CDCA7L: variants seen among roughly 807,000 people sequenced by gnomAD.
The protein encoded by CDCA7L is cell division cycle associated 7 like, also known as cell division cycle-associated 7-like protein.
CDCA7L carries 44 observed loss-of-function variants against 57.4 expected under a neutral mutation model. That is an observed-to-expected ratio of 0.77 (90% CI 0.60 to 0.98). CDCA7L has a LOEUF of 0.98. CDCA7L is among the 50% of genes least tolerant of loss of function. CDCA7L has a pLI of 0.00. For synonymous variants in CDCA7L, 236 were observed against 202.8 expected (o/e 1.16, Z -1.39); for missense variants, 644 against 580.6 (o/e 1.11, Z -1.12).
rs535457484 is a variant in CDCA7L, at chr7:21,902,967, GACTT to G, written c.1334+7_1334+10del. ...TCAAGCTGTTTTGTAAGCTGCTAGA[GACTT>G]ACTTACCTCTCCAGATATTCCTTAA... On this transcript the variant is annotated splice_region_variant and intron_variant, in intron 9 of 9. Coordinates refer to ENST00000406877, the MANE Select transcript of CDCA7L (RefSeq NM_018719.5). 3 of 1,612,106 alleles carry G rather than the reference GACTT, an allele frequency of 1.9e-6. No individual in the cohort carries two copies. Among genetic ancestry groups the G allele is most frequent in the Middle Eastern group, 1.7e-4 (1 of 5,904 alleles).
intron 1 of CDCA7L, among the ~76,000 whole-genome samples, chr7:21,925,461 T>C (rs1352489231): frequency 6.6e-6 from 1 of 152,226 alleles, no homozygotes; most frequent in Non-Finnish European, 1.5e-5. Context: ...AGTACCATCA[T>C]ATACATCTAA....
At chr7:21,924,057 T>C (rs907231163) in intron 1 of CDCA7L, among the ~76,000 whole-genome samples, 8 of 152,230 alleles carry the variant, frequency 5.3e-5, no homozygotes, top group Non-Finnish European at 1.0e-4. Context: ...ACGTGAAGTA[T>C]TGTTCATTTA....
At chr7:21,921,802 G>C (rs1291261345) in intron 1 of CDCA7L, among the ~76,000 whole-genome samples, 1 of 151,418 alleles carries the variant, frequency 6.6e-6, no homozygotes, top group Non-Finnish European at 1.5e-5. Context: ...TCATCTGAAA[G>C]TGAAAAGACC....
At chr7:21,923,198 G>A (rs759451704) in intron 1 of CDCA7L, among the ~76,000 whole-genome samples, 1 of 152,126 alleles carries the variant, frequency 6.6e-6, no homozygotes, top group Non-Finnish European at 1.5e-5. Flanking sequence ...AGACAAGAAA[G>A]ACAATTTAAG....
Position 21,908,447 on chromosome 7 carries a change from C to G in CDCA7L, c.364G>C (p.Asp122His), listed in dbSNP as rs137919998. Residue 122 changes from aspartate (D) to histidine (H), a missense_variant, in exon 4 of 10, where the codon GAT (aspartate) becomes CAT (histidine). Physicochemically the swap from Asp to His is moderately conservative, Grantham distance 81. Transcript: ENST00000406877. ...KASLVSEEEE[D>H]EEEDKATPRR... ...GGGGTAGCCTTATCTTCTTCTTCAT[C>G]TTCCTCTTCCTCGCTCACCAAAGAT... 48 of 1,565,694 alleles carry G rather than the reference C, an allele frequency of 3.1e-5. No homozygotes were observed. The African/African-American group carries it at 5.5e-4, about 18-fold the overall frequency.
At chr7:21,917,184 A>T (rs996966716) in intron 1 of CDCA7L, among the ~76,000 whole-genome samples, 2 of 152,202 alleles carry the variant, frequency 1.3e-5, no homozygotes, top group Non-Finnish European at 2.9e-5. Flanking sequence ...ACAAAAAGAA[A>T]AATTGTTTCT....
At chr7:21,933,084 A>T (rs1786064639) in intron 1 of CDCA7L, among the ~76,000 whole-genome samples, 2 of 152,262 alleles carry the variant, frequency 1.3e-5, no homozygotes, top group African/African-American at 2.4e-5. Flanking sequence ...AGAAATGCAA[A>T]TCAAAACCAC....
intron 7 of CDCA7L, among the ~76,000 whole-genome samples, chr7:21,905,093 C>T (rs1785095849): frequency 6.6e-6 from 1 of 152,146 alleles, no homozygotes; most frequent in South Asian, 2.1e-4. Flanking sequence ...CGCAAAGCCT[C>T]CCTCTAAATC....
At position 21,902,267 on chromosome 7, in the gene CDCA7L, G is replaced by C. The variant is rs143520640; in HGVS notation, c.*55C>G. 1.4e-6 allele frequency: 2 copies of C among 1,473,770 alleles called. No individual in the cohort carries two copies. Among genetic ancestry groups the C allele is most frequent in the Admixed American group, 1.7e-5 (1 of 59,252 alleles). The allele number at this position is 1,473,770 out of a possible 1,614,324, so 91.3% of individuals were successfully genotyped here. Reference sequence around the variant, plus strand: ...AATCTTTCTTAGGCACCAATGGTATGCATGTCTTGTTGGAGTACTCTATGG... The same window carrying C: ...AATCTTTCTTAGGCACCAATGGTATCCATGTCTTGTTGGAGTACTCTATGG... On this transcript the variant is annotated 3_prime_UTR_variant, in exon 10 of 10. Coordinates refer to ENST00000406877, the MANE Select transcript of CDCA7L (RefSeq NM_018719.5).
chr7:21,917,484 A>T (rs1423542236), intron 1 of CDCA7L, among the ~76,000 whole-genome samples: 1 of 152,254 alleles, frequency 6.6e-6, no homozygotes, highest in Non-Finnish European at 1.5e-5. Flanking sequence ...CAATGTCAGC[A>T]CACTTAATCC....
At chr7:21,928,242 G>A (rs1785887314) in intron 1 of CDCA7L, among the ~76,000 whole-genome samples, 4 of 152,170 alleles carry the variant, frequency 2.6e-5, no homozygotes, top group Admixed American at 2.6e-4. Flanking sequence ...CTAACAAACA[G>A]AAAGGAATAG....
intron 1 of CDCA7L, among the ~76,000 whole-genome samples, chr7:21,930,152 G>A (rs1785960516): frequency 6.6e-6 from 1 of 152,286 alleles, no homozygotes; most frequent in Non-Finnish European, 1.5e-5. Flanking sequence ...TGGAACTCAG[G>A]ATGAAGAAAC....
rs370781066 is a variant in CDCA7L at position 21,945,866 on chromosome 7, G to A, written c.-62C>T. 6.9e-3 allele frequency: 10,591 copies of A among 1,539,332 alleles called. 54 individuals are homozygous for A. Among genetic ancestry groups the A allele is most frequent in the South Asian group, 9.4e-3 (786 of 83,696 alleles). On this transcript the variant is annotated 5_prime_UTR_variant, in exon 1 of 10. Coordinates refer to ENST00000406877, the MANE Select transcript of CDCA7L (RefSeq NM_018719.5). ...GGCCACGGGAGCCCGGACTCACCAC[G>A]GCCCGGCGCACCAAGAACGCCCCGC...
intron 1 of CDCA7L, among the ~76,000 whole-genome samples, chr7:21,925,687 C>T (rs1008114720): frequency 2.6e-5 from 4 of 152,104 alleles, no homozygotes; most frequent in African/African-American, 4.8e-5. Flanking sequence ...CCTAGGAGTT[C>T]AAGACTAGCC....
intron 3 of CDCA7L, among the ~76,000 whole-genome samples, chr7:21,909,420 G>A (rs1328336399): frequency 6.6e-6 from 1 of 151,996 alleles, no homozygotes; most frequent in Non-Finnish European, 1.5e-5. Flanking sequence ...ACACGGAATG[G>A]CACCGATACG....
At chr7:21,935,204 T>C (rs1006256420) in intron 1 of CDCA7L, among the ~76,000 whole-genome samples, 12 of 152,146 alleles carry the variant, frequency 7.9e-5, no homozygotes, top group Non-Finnish European at 8.8e-5. Flanking sequence ...TTTGTTACAG[T>C]AGAGTGAAAC....
intron 2 of CDCA7L, among the ~76,000 whole-genome samples, chr7:21,913,690 G>A (rs1562625919): frequency 6.6e-6 from 1 of 152,236 alleles, no homozygotes; most frequent in Admixed American, 6.5e-5. Context: ...AGGGCCTGAA[G>A]GGAACAGGGC....
chr7:21,937,523 G>A (rs4521668), intron 1 of CDCA7L, among the ~76,000 whole-genome samples: 149,539 of 152,140 alleles, frequency 0.98, 73,537 homozygotes, highest in East Asian at 1. Flanking sequence ...CTGTAGTCCC[G>A]GCTACTCGGG....
In CDCA7L at chr7:21,908,332, T is replaced by C. The variant is rs1437040046; in HGVS notation, c.479A>G (p.Asn160Ser). The part of the protein sequence containing the change: ...TKKLANKPDK[N>S]SSSEQLFSSA... ...AGAAAACAACTGCTCGGAAGAACTG[T>C]TTTTATCTGGTTTGTTGGCCAGCTT... Residue 160 changes from asparagine (N) to serine (S), a missense_variant, in exon 4 of 10, where the codon AAC (asparagine) becomes AGC (serine). Physicochemically the swap from Asn to Ser is conservative, Grantham distance 46 (BLOSUM62 1). Coordinates refer to ENST00000406877, the MANE Select transcript of CDCA7L (RefSeq NM_018719.5). The C allele has an allele frequency of 1.2e-6, 2 of 1,608,732 alleles. No homozygotes were observed. Among genetic ancestry groups the C allele is most frequent in the Non-Finnish European group, 8.5e-7 (1 of 1,178,742 alleles).
Sources: allele counts gnomAD v4.1 joint callset (sites outside exome capture counted in the v4.1 genomes callset), GRCh38; gene constraint gnomAD v4.1.1; transcripts MANE v1.5; gene names NCBI Gene and HGNC (gene_info 2026-07-23, HGNC 2026-07-21).